The following ATRNL1 variants were observed in gnomAD, a reference collection of about 807,000 sequenced individuals.
The protein encoded by ATRNL1 is attractin like 1.
A neutral mutation model predicts 182.7 loss-of-function variants in ATRNL1; 95 were observed. The observed-to-expected ratio is 0.52, with a 90% CI of 0.44 to 0.62. The LOEUF is 0.62. ATRNL1 is among the 20% of genes least tolerant of loss of function. The probability of loss-of-function intolerance (pLI) is 0.00; values close to 1 mark genes in which losing one functional copy is unlikely to be tolerated. For missense variants in ATRNL1, 1,471 were observed against 1,679.5 expected (o/e 0.88, Z 2.17); for synonymous variants, 576 against 568.3 (o/e 1.01, Z -0.19).
chr10:115,359,548 A>G (rs1429727139), intron 19 of ATRNL1, among the ~76,000 whole-genome samples: 8 of 151,664 alleles, frequency 5.3e-5, no homozygotes, highest in African/African-American at 1.9e-4. Context: ...GTTCCAATGT[A>G]TGTATTATAT....
intron 28 of ATRNL1, among the ~76,000 whole-genome samples, chr10:115,852,667 CTCA>C (rs1951083557): frequency 6.6e-6 from 1 of 152,288 alleles, no homozygotes; most frequent in South Asian, 2.1e-4. Context: ...GTGACTCTCC[CTCA>C]TCACTGTGTC....
At chr10:115,878,875 G>A (rs1298050013) in intron 28 of ATRNL1, among the ~76,000 whole-genome samples, 1 of 152,122 alleles carries the variant, frequency 6.6e-6, no homozygotes, top group Non-Finnish European at 1.5e-5. Flanking sequence ...AATATTGATT[G>A]TTTGATTGGA....
At chr10:115,541,911 C>T (rs563296654) in intron 25 of ATRNL1, among the ~76,000 whole-genome samples, 1 of 152,222 alleles carries the variant, frequency 6.6e-6, no homozygotes, top group East Asian at 1.9e-4. Flanking sequence ...GAGCTATATA[C>T]TTAGGGTTTC....
intron 21 of ATRNL1, among the ~76,000 whole-genome samples, chr10:115,433,887 T>G (rs1846281778): frequency 6.6e-6 from 1 of 152,136 alleles, no homozygotes; most frequent in Non-Finnish European, 1.5e-5. Context: ...GAAATAAAAA[T>G]GTCCATAAAC....
intron 27 of ATRNL1, among the ~76,000 whole-genome samples, chr10:115,797,600 TA>T (rs35940243): frequency 3.3e-5 from 5 of 150,850 alleles, no homozygotes; most frequent in African/African-American, 9.8e-5. Flanking sequence ...AAGACTCAGT[TA>T]AAAAAAAAAT....
intron 24 of ATRNL1, among the ~76,000 whole-genome samples, chr10:115,515,912 TC>T (rs1246608872): frequency 2.6e-5 from 4 of 151,842 alleles, no homozygotes; most frequent in Admixed American, 2.6e-4. Flanking sequence ...CACAACCCTT[TC>T]CTGGTTTCCT....
At chr10:115,799,655 G>T (rs1274711377) in intron 27 of ATRNL1, among the ~76,000 whole-genome samples, 1 of 152,146 alleles carries the variant, frequency 6.6e-6, no homozygotes, top group Admixed American at 6.5e-5. Flanking sequence ...TCAGCCCAGG[G>T]TAGGTGAAAT....
chr10:115,245,754 G>A (rs1850609896), intron 10 of ATRNL1, among the ~76,000 whole-genome samples: 1 of 151,928 alleles, frequency 6.6e-6, no homozygotes. Flanking sequence ...ATTTTCTGGA[G>A]GTTATTTTAT....
In ATRNL1 at chr10:115,693,520, A is replaced by G. The variant is rs964647169; in HGVS notation, c.3796-33728A>G. ...AAGACAATTCAAGATTAAAAACGCTATACAATCAGGCATCACTTAATGAAA... is the reference window on the plus strand; with the variant it reads ...AAGACAATTCAAGATTAAAAACGCTGTACAATCAGGCATCACTTAATGAAA... On this transcript the variant is annotated intron_variant, in intron 26 of 28. Transcript: ENST00000355044. Among the ~76,000 whole-genome samples, 6 of 152,162 alleles carry G rather than the reference A, an allele frequency of 3.9e-5. No individual in the cohort carries two copies. The South Asian group carries it at 8.3e-4, about 21-fold the overall frequency.
Position 115,428,307 on chromosome 10 carries a change from T to G in ATRNL1, c.3322+2005T>G, listed in dbSNP as rs548134486. 3.3e-5 allele frequency among the ~76,000 whole-genome samples: 5 copies of G among 152,228 alleles called. No homozygotes were observed. In the South Asian group the frequency reaches 1.0e-3, roughly 32 times the overall value. On this transcript the variant is annotated intron_variant, in intron 21 of 28. Transcript: ENST00000355044. ...TTCTACTACCATTTTTTGTTGACTC[T>G]CAGAATTTCTACACATACAATGTTT...
At chr10:115,671,329 T>C (rs2133928538) in intron 26 of ATRNL1, among the ~76,000 whole-genome samples, 1 of 152,184 alleles carries the variant, frequency 6.6e-6, no homozygotes, top group Non-Finnish European at 1.5e-5. Flanking sequence ...GACTCCAGAA[T>C]ATAGCCTAAA....
chr10:115,868,978 C>T lies in ATRNL1; in HGVS notation c.4018+20987C>T, dbSNP rs929996503. 5.3e-5 allele frequency among the ~76,000 whole-genome samples: 8 copies of T among 151,734 alleles called. No homozygotes were observed. In the South Asian group the frequency reaches 8.3e-4, roughly 16 times the overall value. On this transcript the variant is annotated intron_variant, in intron 28 of 28. Coordinates refer to ENST00000355044, the MANE Select transcript of ATRNL1 (RefSeq NM_207303.4). ...CCGAGTAGCTGGGAGTACAGGCGCC[C>T]GCCACCACGCCCGGCTAATTTTTTG... is the stretch of plus-strand genomic sequence containing the variant.
At chr10:115,362,517 TTG>T (rs201331194) in intron 19 of ATRNL1, among the ~76,000 whole-genome samples, 1,941 of 142,458 alleles carry the variant, frequency 0.014, 37 homozygotes, top group African/African-American at 0.055. Flanking sequence ...ATGCAGTACA[TTG>T]TTTTTTTTTT....
At chr10:115,797,139 A>C (rs1055056720) in intron 27 of ATRNL1, among the ~76,000 whole-genome samples, 1 of 152,218 alleles carries the variant, frequency 6.6e-6, no homozygotes, top group Non-Finnish European at 1.5e-5. Flanking sequence ...TGGCAGGAAC[A>C]AGCTTTTATT....
chr10:115,886,791 G>A (rs921098750), intron 28 of ATRNL1, among the ~76,000 whole-genome samples: 1 of 152,086 alleles, frequency 6.6e-6, no homozygotes, highest in East Asian at 1.9e-4. Flanking sequence ...CTCAATTTGG[G>A]TTACATTGTC....
At chr10:115,504,849 TACACA>T (rs1458481939) in intron 24 of ATRNL1, among the ~76,000 whole-genome samples, 1 of 152,092 alleles carries the variant, frequency 6.6e-6, no homozygotes, top group African/African-American at 2.4e-5. Flanking sequence ...AAACATTGTG[TACACA>T]ACACAAAAAT....
chr10:115,581,866 G>C (rs1420322184), intron 26 of ATRNL1, among the ~76,000 whole-genome samples: 1 of 149,910 alleles, frequency 6.7e-6, no homozygotes, highest in Non-Finnish European at 1.5e-5. Context: ...CTAGCATTAG[G>C]TATACCTCCC....
chr10:115,309,722 T>A (rs1265655929), intron 17 of ATRNL1, among the ~76,000 whole-genome samples: 1 of 151,922 alleles, frequency 6.6e-6, no homozygotes, highest in East Asian at 1.9e-4. Flanking sequence ...GTCTTTAGGG[T>A]TTTCTAGGTA....
At chr10:115,435,913 C>T (rs1354198478) in intron 21 of ATRNL1, among the ~76,000 whole-genome samples, 1 of 152,132 alleles carries the variant, frequency 6.6e-6, no homozygotes, top group East Asian at 1.9e-4. Context: ...CTGTATGACT[C>T]ATAACAGACC....
Sources: gnomAD v4.1 joint callset for allele counts (sites outside exome capture counted in the v4.1 genomes callset) on GRCh38, gnomAD v4.1.1 for gene constraint, MANE v1.5 for transcripts, NCBI Gene and HGNC (gene_info 2026-07-23, HGNC 2026-07-21) for gene names.